Variants in SAMD5 observed in about 807,000 individuals in gnomAD.
SAMD5 encodes the protein sterile alpha motif domain-containing protein 5.
A neutral mutation model predicts 11.3 loss-of-function variants in SAMD5; 13 were observed. That is an observed-to-expected ratio of 1.15 (90% CI 0.75 to 1.83). The LOEUF is 1.83. SAMD5 is among the 40% of genes most tolerant of loss of function. The pLI, the probability that SAMD5 is intolerant of heterozygous loss-of-function variation, is 0.00. For synonymous variants in SAMD5, 129 were observed against 111.3 expected (o/e 1.16, Z -1.00); for missense variants, 255 against 239.1 (o/e 1.07, Z -0.44).
At chr6:147,845,063 G>A in the SAMD5 span, among the ~76,000 whole-genome samples, 2 of 152,092 alleles carry the variant, frequency 1.3e-5, no homozygotes, top group East Asian at 1.9e-4. Context: ...TGATTATTCC[G>A]CATTGTATAC....
At chr6:147,581,962 A>C (rs1322878448) in intron 1 of SAMD5, among the ~76,000 whole-genome samples, 2 of 152,164 alleles carry the variant, frequency 1.3e-5, no homozygotes, top group African/African-American at 4.8e-5. Flanking sequence ...GAATGAGATC[A>C]TTAAGGAGCC....
At chr6:147,842,903 A>C in the SAMD5 span, among the ~76,000 whole-genome samples, 4 of 152,204 alleles carry the variant, frequency 2.6e-5, no homozygotes, top group Middle Eastern at 3.2e-3. Context: ...TCTGCCACCC[A>C]GGCTGGAGTG....
the SAMD5 span, among the ~76,000 whole-genome samples, chr6:147,881,241 AAAGG>A: frequency 6.6e-6 from 1 of 152,148 alleles, no homozygotes; most frequent in Non-Finnish European, 1.5e-5. Context: ...CTTAACATTC[AAAGG>A]AAGAGTGAGA....
At chr6:147,654,504 C>CTTA (rs144262697) in intron 1 of SAMD5, among the ~76,000 whole-genome samples, 11 of 151,908 alleles carry the variant, frequency 7.2e-5, no homozygotes, top group East Asian at 1.9e-4. Flanking sequence ...TGCTACATGG[C>CTTA]TTATTATTAT....
chr6:147,640,519 A>AAAAAAAAAAAAAAAAAAAAAAT (rs1790296357), intron 1 of SAMD5, among the ~76,000 whole-genome samples: 1 of 150,570 alleles, frequency 6.6e-6, no homozygotes, highest in Non-Finnish European at 1.5e-5. Context: ...AAAAAAAAAA[A>AAAAAAAAAAAAAAAAAAAAAAT]AAAGAATAAC....
At chr6:147,602,476 G>T (rs751357306) in intron 1 of SAMD5, among the ~76,000 whole-genome samples, 7 of 152,202 alleles carry the variant, frequency 4.6e-5, no homozygotes, top group African/African-American at 7.2e-5. Context: ...AGGCGTGGTG[G>T]CTCAGGCCTG....
intron 1 of SAMD5, among the ~76,000 whole-genome samples, chr6:147,529,997 G>A (rs562235737): frequency 2.0e-5 from 3 of 152,186 alleles, no homozygotes; most frequent in Non-Finnish European, 4.4e-5. Context: ...AAAATGTCAT[G>A]TGCAGTTGGG....
At chr6:147,887,499 T>C in the SAMD5 span, among the ~76,000 whole-genome samples, 1 of 152,262 alleles carries the variant, frequency 6.6e-6, no homozygotes, top group Non-Finnish European at 1.5e-5. Context: ...TATGAGAACA[T>C]GAATTAATAG....
the SAMD5 span, among the ~76,000 whole-genome samples, chr6:147,790,153 A>G: frequency 6.6e-6 from 1 of 152,262 alleles, no homozygotes; most frequent in Admixed American, 6.5e-5. Context: ...GTTCATGATC[A>G]GCAAAAACTG....
chr6:147,622,928 T>A (rs1174899988), intron 1 of SAMD5, among the ~76,000 whole-genome samples: 1 of 152,104 alleles, frequency 6.6e-6, no homozygotes, highest in Non-Finnish European at 1.5e-5. Context: ...GGAAACCCCT[T>A]ATAAAACCAT....
the SAMD5 span, among the ~76,000 whole-genome samples, chr6:147,876,259 A>G: frequency 1.3e-5 from 2 of 152,324 alleles, no homozygotes; most frequent in African/African-American, 4.8e-5. Context: ...GATGTGAGGA[A>G]CTGGGAAGGC....
the SAMD5 span, among the ~76,000 whole-genome samples, chr6:147,845,718 AATG>A: frequency 4.5e-4 from 68 of 152,088 alleles, no homozygotes; most frequent in Non-Finnish European, 7.6e-4. Flanking sequence ...AAAAAAAAAT[AATG>A]ATAACACTAA....
At chr6:147,922,453 T>C in the SAMD5 span, among the ~76,000 whole-genome samples, 2 of 152,208 alleles carry the variant, frequency 1.3e-5, no homozygotes, top group Non-Finnish European at 2.9e-5. Flanking sequence ...AAATTTCTCT[T>C]GTTTTAAATC....
intron 1 of SAMD5, among the ~76,000 whole-genome samples, chr6:147,527,833 G>C (rs905817810): frequency 6.6e-6 from 1 of 152,092 alleles, no homozygotes; most frequent in Admixed American, 6.5e-5. Flanking sequence ...AATTTATAAA[G>C]AAAAGAGGTT....
chr6:147,793,645 A>G, the SAMD5 span, among the ~76,000 whole-genome samples: 1 of 152,084 alleles, frequency 6.6e-6, no homozygotes, highest in Non-Finnish European at 1.5e-5. Context: ...AAACAAATTT[A>G]TTGGTACCTA....
chr6:147,893,836 T>G, the SAMD5 span, among the ~76,000 whole-genome samples: 4 of 152,208 alleles, frequency 2.6e-5, no homozygotes, highest in African/African-American at 7.2e-5. Flanking sequence ...GGAGGTAATT[T>G]TGGTGTATTT....
intron 1 of SAMD5, among the ~76,000 whole-genome samples, chr6:147,724,851 C>T (rs2128459544): frequency 6.6e-6 from 1 of 152,112 alleles, no homozygotes; most frequent in East Asian, 1.9e-4. Context: ...CATACCCAAA[C>T]CTAAGAGTTT....
chr6:147,878,422 T>C, the SAMD5 span, among the ~76,000 whole-genome samples: 1 of 151,846 alleles, frequency 6.6e-6, no homozygotes, highest in Non-Finnish European at 1.5e-5. Context: ...CCAACGGCTC[T>C]ACATTCTAAT....
chr6:147,747,898 G>GT, the SAMD5 span, among the ~76,000 whole-genome samples: 6 of 151,962 alleles, frequency 3.9e-5, no homozygotes, highest in Non-Finnish European at 7.4e-5. Flanking sequence ...AAAAGTAATT[G>GT]TTTTTTTCTG....
Sources: allele counts gnomAD v4.1 joint callset (sites outside exome capture counted in the v4.1 genomes callset), GRCh38; gene constraint gnomAD v4.1.1; transcripts MANE v1.5; gene names NCBI Gene and HGNC (gene_info 2026-07-23, HGNC 2026-07-21).